Variants in LRRC7 observed in about 807,000 individuals in gnomAD.
LRRC7 encodes the protein leucine rich repeat containing 7, also known as leucine-rich repeat-containing protein 7.
LRRC7 carries 23 observed loss-of-function variants against 175.7 expected under a neutral mutation model. The ratio of observed to expected loss-of-function variants is 0.13; its 90% CI spans 0.09 to 0.19. The LOEUF (loss-of-function observed/expected upper bound fraction) is 0.19. Among genes scored for constraint, LRRC7 ranks in the 10% least tolerant of loss-of-function variants. The pLI is 1.00. For synonymous variants in LRRC7, 685 were observed against 680.9 expected (o/e 1.01, Z -0.09); for missense variants, 1,354 against 1,904.7 (o/e 0.71, Z 5.38).
At chr1:69,946,521 G>A (rs1057161693) in intron 8 of LRRC7, among the ~76,000 whole-genome samples, 3 of 151,864 alleles carry the variant, frequency 2.0e-5, no homozygotes, top group Non-Finnish European at 4.4e-5. Flanking sequence ...CTCATATTGT[G>A]TTGCTTTCTA....
rs557798308 is a variant in LRRC7, at chr1:69,644,825, A to G, written c.3-33556A>G. On this transcript the variant is annotated intron_variant, in intron 1 of 26. Transcript: ENST00000651989. ...AGGCTTATCTGAGGATTAACACTGAAAAATCAAACAATTTTATTCACCATA... is the reference window on the plus strand; with the variant it reads ...AGGCTTATCTGAGGATTAACACTGAGAAATCAAACAATTTTATTCACCATA... Among the ~76,000 whole-genome samples the G allele has an allele frequency of 5.9e-5, 9 of 152,168 alleles. No individual in the cohort carries two copies. The East Asian group carries it at 1.7e-3, about 29-fold the overall frequency.
chr1:69,943,691 C>T (rs1348046214), intron 8 of LRRC7, among the ~76,000 whole-genome samples: 1 of 151,964 alleles, frequency 6.6e-6, no homozygotes. Flanking sequence ...TTCCAGGCTG[C>T]CTCCCAGGAT....
intron 8 of LRRC7, among the ~76,000 whole-genome samples, chr1:69,965,617 T>A (rs116321427): frequency 0.062 from 9,359 of 152,104 alleles, 287 homozygotes; most frequent in South Asian, 0.11. Context: ...TTAAATTTTT[T>A]AAAAAATTTT....
intron 4 of LRRC7, among the ~76,000 whole-genome samples, chr1:69,806,576 A>G (rs1482871118): frequency 6.6e-6 from 1 of 151,956 alleles, no homozygotes; most frequent in African/African-American, 2.4e-5. Flanking sequence ...CCCTTCTGAA[A>G]TCTCCCTATA....
At chr1:69,819,784 T>G (rs958624609) in intron 4 of LRRC7, among the ~76,000 whole-genome samples, 33 of 152,210 alleles carry the variant, frequency 2.2e-4, no homozygotes, top group Non-Finnish European at 1.6e-4. Context: ...TTGACACTTT[T>G]ATCATTATAT....
chr1:69,951,765 A>G (rs939096182), intron 8 of LRRC7, among the ~76,000 whole-genome samples: 2 of 152,082 alleles, frequency 1.3e-5, no homozygotes, highest in Admixed American at 6.6e-5. Context: ...AGAGAAGGAA[A>G]CAACAAACAC....
intron 7 of LRRC7, among the ~76,000 whole-genome samples, chr1:69,926,691 C>T (rs1404552999): frequency 6.6e-6 from 1 of 151,874 alleles, no homozygotes; most frequent in Admixed American, 6.6e-5. Flanking sequence ...TATTTTGAGC[C>T]TATATATTTC....
chr1:69,607,589 G>C (rs1369250247), intron 1 of LRRC7: 1 of 151,940 alleles, frequency 6.6e-6, no homozygotes, highest in Non-Finnish European at 1.5e-5. Context: ...TGATTTATAA[G>C]TCTTCCTAGG....
At chr1:70,003,973 G>A (rs903333293) in intron 11 of LRRC7, among the ~76,000 whole-genome samples, 8 of 151,932 alleles carry the variant, frequency 5.3e-5, no homozygotes, top group Admixed American at 2.0e-4. Context: ...ATAATCTAAC[G>A]TAATTTTTTT....
rs1384664347 is a variant in LRRC7 at position 69,807,664 on chromosome 1, C to A, written c.421+15504C>A. 5.3e-5 allele frequency among the ~76,000 whole-genome samples: 8 copies of A among 152,214 alleles called. No homozygotes were observed. The East Asian group carries it at 1.4e-3, about 26-fold the overall frequency. The stretch of plus-strand genomic sequence containing the variant: ...GCTTGTATGGTTTCTGCCGAGGGAT[C>A]CACTGTTAGTCTGATGGGCTTCCCT... On this transcript the variant is annotated intron_variant, in intron 4 of 26. Transcript: ENST00000651989.
At chr1:70,041,905 T>C (rs1659934337) in intron 21 of LRRC7, among the ~76,000 whole-genome samples, 2 of 152,168 alleles carry the variant, frequency 1.3e-5, no homozygotes, top group Non-Finnish European at 2.9e-5. Flanking sequence ...CAGCAAAAGT[T>C]TGGAGGCCCT....
intron 1 of LRRC7, among the ~76,000 whole-genome samples, chr1:69,609,689 T>C (rs1391159790): frequency 6.6e-6 from 1 of 152,044 alleles, no homozygotes; most frequent in Non-Finnish European, 1.5e-5. Flanking sequence ...TTTTAGCCAA[T>C]GTGAGAACTG....
intron 7 of LRRC7, chr1:69,920,007 C>A: frequency 2.1e-6 from 1 of 478,316 alleles, no homozygotes; most frequent in Non-Finnish European, 3.7e-6. Flanking sequence ...CTGGGGTTCC[C>A]CACTCCCTGT....
rs568129688 is a variant in LRRC7, at chr1:69,975,556, A to C, written c.712-4823A>C. On this transcript the variant is annotated intron_variant, in intron 8 of 26. Coordinates refer to ENST00000651989, the MANE Select transcript of LRRC7 (RefSeq NM_001370785.2). ...TTCCTGGCCCAGAAAAAAAGTTATAATTGTTATCATTGATATAACTCTTTT... is the reference window on the plus strand; with the variant it reads ...TTCCTGGCCCAGAAAAAAAGTTATACTTGTTATCATTGATATAACTCTTTT... Among the ~76,000 whole-genome samples the C allele has an allele frequency of 4.1e-4, 63 of 152,212 alleles. 1 individual carries two copies. Among genetic ancestry groups the C allele is most frequent in the Non-Finnish European group, 1.6e-4 (11 of 68,012 alleles).
intron 7 of LRRC7, among the ~76,000 whole-genome samples, chr1:69,880,908 G>A (rs1367107347): frequency 6.6e-6 from 1 of 152,156 alleles, no homozygotes; most frequent in Admixed American, 6.5e-5. Context: ...GCAACAAATT[G>A]CAAAGCCAGA....
Position 69,905,679 on chromosome 1 carries a change from C to G in LRRC7, c.648-25828C>G, listed in dbSNP as rs567087799. Among the ~76,000 whole-genome samples, 36 of 152,268 alleles carry G rather than the reference C, an allele frequency of 2.4e-4. 1 individual carries two copies. The East Asian group carries it at 6.2e-3, about 26-fold the overall frequency. On this transcript the variant is annotated intron_variant, in intron 7 of 26. Coordinates refer to ENST00000651989, the MANE Select transcript of LRRC7 (RefSeq NM_001370785.2). ...TCATTGTTGGACATTTGGGTTGGTT[C>G]CAAGTCTTTGCTATTGTGAATAGTG...
Position 69,622,019 on chromosome 1 carries a change from A to T in LRRC7, c.2+53378A>T, listed in dbSNP as rs985452798. On this transcript the variant is annotated intron_variant, in intron 1 of 26. Coordinates refer to ENST00000651989, the MANE Select transcript of LRRC7 (RefSeq NM_001370785.2). ...ACTCTTATATGTTATACTTTACCTT[A>T]TCTCTATTTGCATATTTGGCTTATC... 8.5e-5 allele frequency among the ~76,000 whole-genome samples: 13 copies of T among 152,080 alleles called. No homozygotes were observed. In the East Asian group the frequency reaches 2.5e-3, roughly 29 times the overall value.
chr1:69,585,638 A>G (rs927572217), intron 1 of LRRC7, among the ~76,000 whole-genome samples: 4 of 152,350 alleles, frequency 2.6e-5, no homozygotes, highest in South Asian at 4.1e-4. Context: ...TACCAATACT[A>G]ATTTGCAACA....
intron 9 of LRRC7, 68 bp downstream of exon 9, chr1:69,980,521 C>T: frequency 1.7e-6 from 2 of 1,202,994 alleles, no homozygotes; most frequent in Non-Finnish European, 2.4e-6. Context: ...TGATCATAAT[C>T]TCAACTCTTA....
Sources: allele counts gnomAD v4.1 joint callset (sites outside exome capture counted in the v4.1 genomes callset), GRCh38; gene constraint gnomAD v4.1.1; transcripts MANE v1.5; gene names NCBI Gene and HGNC (gene_info 2026-07-23, HGNC 2026-07-21).